PSMA8: variants seen among roughly 807,000 people sequenced by gnomAD.
PSMA8 encodes proteasome subunit alpha-type 8.
A neutral mutation model predicts 32.4 loss-of-function variants in PSMA8; 18 were observed. The observed-to-expected ratio is 0.56, with a 90% confidence interval of 0.38 to 0.82. PSMA8 has a LOEUF of 0.82. PSMA8 is among the 40% of genes least tolerant of loss of function. The pLI, the probability that PSMA8 is intolerant of heterozygous loss-of-function variation, is 0.00. For synonymous variants in PSMA8, 104 were observed against 98.1 expected, an observed-to-expected ratio of 1.06 and a Z score of -0.36; for missense variants, 298 against 300.7, an observed-to-expected ratio of 0.99 and a Z score of 0.07.
chr18:26,179,211 C>G (rs747333158), intron 6 of PSMA8, 81 bp downstream of exon 6: 3 of 996,814 alleles, frequency 3.0e-6, no homozygotes, highest in Non-Finnish European at 4.6e-6. Context: ...GGCCTCTAGG[C>G]TTCCGATATA....
At chr18:26,144,300 A>G (rs1361963160) in intron 1 of PSMA8, among the ~76,000 whole-genome samples, 3 of 152,170 alleles carry the variant, frequency 2.0e-5, no homozygotes, top group African/African-American at 2.4e-5. Flanking sequence ...GGTGTATTGT[A>G]TGAGATTAGG....
chr18:26,184,392 T>G (rs2055335909), intron 6 of PSMA8, among the ~76,000 whole-genome samples: 1 of 150,148 alleles, frequency 6.7e-6, no homozygotes, highest in Non-Finnish European at 1.5e-5. Flanking sequence ...CACCAAAATA[T>G]GAGGAGAAGT....
intron 1 of PSMA8, among the ~76,000 whole-genome samples, chr18:26,135,139 G>A (rs1002856815): frequency 6.6e-6 from 1 of 152,130 alleles, no homozygotes; most frequent in Non-Finnish European, 1.5e-5. Flanking sequence ...ACTCAGGGTA[G>A]GAGTAATACT....
intron 1 of PSMA8, among the ~76,000 whole-genome samples, chr18:26,142,189 G>A (rs569407695): frequency 3.6e-4 from 55 of 151,714 alleles, no homozygotes; most frequent in Non-Finnish European, 7.2e-4. Flanking sequence ...ACAGGCGCCC[G>A]CCACCACGCC....
intron 2 of PSMA8, among the ~76,000 whole-genome samples, chr18:26,147,040 C>T (rs959609546): frequency 1.3e-5 from 2 of 151,710 alleles, no homozygotes; most frequent in Non-Finnish European, 2.9e-5. Flanking sequence ...AATCAGATCT[C>T]GTTAGAACTC....
At chr18:26,173,638 C>A (rs2055242277) in intron 4 of PSMA8, among the ~76,000 whole-genome samples, 1 of 151,698 alleles carries the variant, frequency 6.6e-6, no homozygotes, top group East Asian at 1.9e-4. Flanking sequence ...CTCACTGCAA[C>A]CTCCACCCCC....
intron 6 of PSMA8, among the ~76,000 whole-genome samples, chr18:26,181,550 G>A: frequency 6.6e-6 from 1 of 152,206 alleles, no homozygotes; most frequent in Non-Finnish European, 1.5e-5. Flanking sequence ...TAGTGAGGAA[G>A]GCAGTCAAAA....
intron 4 of PSMA8, among the ~76,000 whole-genome samples, chr18:26,160,806 C>G (rs2055129434): frequency 6.6e-6 from 1 of 152,184 alleles, no homozygotes; most frequent in African/African-American, 2.4e-5. Flanking sequence ...ATAGCTAATA[C>G]CAGCAGTTTG....
intron 3 of PSMA8, among the ~76,000 whole-genome samples, 157 bp downstream of exon 3, chr18:26,152,139 A>G (rs1329217130): frequency 6.6e-6 from 1 of 152,048 alleles, no homozygotes; most frequent in Non-Finnish European, 1.5e-5. Context: ...TTTTTATTCC[A>G]GTAAAATGGA....
chr18:26,155,590 GAT>G lies in PSMA8; in HGVS notation c.355-2529_355-2528del, dbSNP rs2055082366. Among the ~76,000 whole-genome samples the G allele has an allele frequency of 2.0e-5, 3 of 152,262 alleles. No homozygotes were observed. In the South Asian group the frequency reaches 6.2e-4, roughly 32 times the overall value. ...TCAATAAATGGAGCTGGGAAAACTG[GAT>G]ATGCAGAAAAAATGAAATGAAACCT... On this transcript the variant is annotated intron_variant, in intron 3 of 6. Transcript: ENST00000415576.
chr18:26,135,114 A>C (rs2054901522), intron 1 of PSMA8, among the ~76,000 whole-genome samples: 1 of 152,208 alleles, frequency 6.6e-6, no homozygotes, highest in Non-Finnish European at 1.5e-5. Context: ...CACATTACTG[A>C]AAAACTTAAA....
intron 4 of PSMA8, among the ~76,000 whole-genome samples, chr18:26,174,614 C>A (rs186493469): frequency 1.6e-4 from 24 of 152,156 alleles, no homozygotes; most frequent in African/African-American, 4.6e-4. Flanking sequence ...TAAGCCCCAC[C>A]CTGATTAATG....
At chr18:26,140,596 C>T (rs539017618) in intron 1 of PSMA8, among the ~76,000 whole-genome samples, 24 of 152,256 alleles carry the variant, frequency 1.6e-4, no homozygotes, top group Non-Finnish European at 2.5e-4. Context: ...TCCTATTCTG[C>T]CATCTTGCTG....
intron 4 of PSMA8, among the ~76,000 whole-genome samples, chr18:26,164,760 C>A (rs991204710): frequency 2.6e-5 from 4 of 152,178 alleles, no homozygotes; most frequent in Non-Finnish European, 5.9e-5. Context: ...TGAGGACAAC[C>A]AGAGACACTT....
At chr18:26,184,913 C>G (rs2144355900) in intron 6 of PSMA8, among the ~76,000 whole-genome samples, 1 of 149,014 alleles carries the variant, frequency 6.7e-6, no homozygotes, top group Non-Finnish European at 1.5e-5. Flanking sequence ...ATGGTAAAAC[C>G]CTATCTCTAC....
At chr18:26,171,008 A>G in intron 4 of PSMA8, 1 of 1,555,374 alleles carries the variant, frequency 6.4e-7, no homozygotes, top group Non-Finnish European at 8.6e-7. Flanking sequence ...CATCATCTAG[A>G]CTTCTGGAAA....
chr18:26,140,352 A>T (rs183727020), intron 1 of PSMA8, among the ~76,000 whole-genome samples: 43 of 152,324 alleles, frequency 2.8e-4, no homozygotes, highest in Admixed American at 3.3e-4. Flanking sequence ...TGGAAAAGTC[A>T]GATACCCACG....
chr18:26,166,976 T>C (rs2055185738), intron 4 of PSMA8, among the ~76,000 whole-genome samples: 1 of 152,216 alleles, frequency 6.6e-6, no homozygotes. Context: ...CATAATTCAG[T>C]AAACCAGTTT....
At chr18:26,150,740 G>T (rs1304824952) in intron 2 of PSMA8, among the ~76,000 whole-genome samples, 1 of 151,864 alleles carries the variant, frequency 6.6e-6, no homozygotes, top group Non-Finnish European at 1.5e-5. Flanking sequence ...TTTTTTCCTC[G>T]AATCAATTAT....
Sources: allele counts gnomAD v4.1 joint callset (sites outside exome capture counted in the v4.1 genomes callset), GRCh38; gene constraint gnomAD v4.1.1; transcripts MANE v1.5; gene names NCBI Gene and HGNC (gene_info 2026-07-23, HGNC 2026-07-21).